The following ADGRE5 variants were observed in gnomAD, a reference collection of about 807,000 sequenced individuals.
ADGRE5 encodes the protein adhesion G protein-coupled receptor E5.
ADGRE5 carries 72 observed loss-of-function variants against 100.3 expected under a neutral mutation model. The ratio of observed to expected loss-of-function variants is 0.72; its 90% CI spans 0.59 to 0.87. ADGRE5 has a LOEUF of 0.87. Ranked by LOEUF, ADGRE5 falls within the 40% of genes least tolerant of loss-of-function variation. The pLI, the probability that ADGRE5 is intolerant of heterozygous loss-of-function variation, is 0.00. For missense variants in ADGRE5, 959 were observed against 1,094.7 expected, an observed-to-expected ratio of 0.88 and a Z score of 1.75; for synonymous variants, 439 against 447.8, an observed-to-expected ratio of 0.98 and a Z score of 0.25.
intron 6 of ADGRE5, 49 bp from the exon 7 acceptor site, chr19:14,397,609 A>C (rs1160889757): frequency 6.2e-7 from 1 of 1,602,778 alleles, no homozygotes; most frequent in East Asian, 2.2e-5. Flanking sequence ...AGGAGACAGG[A>C]CCCTCTCCAG....
chr19:14,405,052 C>A (rs1976168938), intron 13 of ADGRE5: 1 of 159,762 alleles, frequency 6.3e-6, no homozygotes, highest in South Asian at 1.5e-4. Flanking sequence ...ACCATGTTGC[C>A]CAGGCTAGTC....
Position 14,401,381 on chromosome 19 carries a change from C to T in ADGRE5, c.898-5C>T, listed in dbSNP as rs771352449. The T allele has an allele frequency of 1.3e-5, 21 of 1,613,498 alleles. No homozygotes were observed. The South Asian group carries it at 2.3e-4, about 18-fold the overall frequency. On this transcript the variant is annotated splice_polypyrimidine_tract_variant and splice_region_variant and intron_variant, in intron 9 of 19. Transcript: ENST00000242786. The surrounding 1 kb of genome is among the most constrained non-coding windows in gnomAD (Gnocchi z 4.1). ...CCAGCGATTCTGTCACCCGCCACCCCCTAGAATGTCATCAAATTGGTGGAT... is the reference window on the plus strand; with the variant it reads ...CCAGCGATTCTGTCACCCGCCACCCTCTAGAATGTCATCAAATTGGTGGAT...
chr19:14,384,589 G>A (rs1232293033), intron 1 of ADGRE5, among the ~76,000 whole-genome samples: 1 of 144,106 alleles, frequency 6.9e-6, no homozygotes, highest in Non-Finnish European at 1.5e-5. Context: ...CCCGCCCCAG[G>A]CCCCACCTGC....
In ADGRE5 at chr19:14,401,986, C is replaced by T. The variant is rs1976031548; in HGVS notation, c.1183+226C>T. ...TCTCTACAAAAAATACAAAAATTAG[C>T]CAGGTGTGGTGGCACGTGCCTGTAG... is the stretch of plus-strand genomic sequence containing the variant. On this transcript the variant is annotated intron_variant, in intron 11 of 19. Coordinates refer to ENST00000242786, the MANE Select transcript of ADGRE5 (RefSeq NM_078481.4). The surrounding 1 kb of genome is among the most constrained non-coding windows in gnomAD (Gnocchi z 4.1). Among the ~76,000 whole-genome samples, 2 of 152,076 alleles carry T rather than the reference C, an allele frequency of 1.3e-5. No individual in the cohort carries two copies. Among genetic ancestry groups the T allele is most frequent in the South Asian group, 4.1e-4 (2 of 4,820 alleles).
chr19:14,394,936 C>T (rs12973667), intron 4 of ADGRE5, among the ~76,000 whole-genome samples: 6 of 151,950 alleles, frequency 3.9e-5, no homozygotes, highest in Non-Finnish European at 7.4e-5. Flanking sequence ...TGGGCCTGAA[C>T]GCACCGTCAA....
chr19:14,391,123 TG>T, intron 4 of ADGRE5, 44 bp downstream of exon 4: 1 of 1,611,482 alleles, frequency 6.2e-7, no homozygotes, highest in Non-Finnish European at 8.5e-7. Flanking sequence ...CCATGAGGTT[TG>T]GGGTCACCAG....
At chr19:14,389,761 G>A (rs1393914451) in intron 3 of ADGRE5, among the ~76,000 whole-genome samples, 1 of 147,780 alleles carries the variant, frequency 6.8e-6, no homozygotes, top group Non-Finnish European at 1.5e-5. Flanking sequence ...GAGAGACAGA[G>A]AAGGAGAGAA....
chr19:14,389,017 G>C (rs145955187), intron 3 of ADGRE5, among the ~76,000 whole-genome samples, 199 bp downstream of exon 3: 3 of 147,402 alleles, frequency 2.0e-5, no homozygotes, highest in Non-Finnish European at 4.5e-5. Context: ...CGGGCAGATC[G>C]TTTGAGGCCA....
intron 4 of ADGRE5, among the ~76,000 whole-genome samples, chr19:14,394,454 C>A (rs913784491): frequency 6.6e-6 from 1 of 152,148 alleles, no homozygotes; most frequent in Non-Finnish European, 1.5e-5. Flanking sequence ...CAGGGCCATC[C>A]TAAACCCCTG....
At position 14,406,712 on chromosome 19, in the gene ADGRE5, C is replaced by G. The variant is rs766048827; in HGVS notation, c.2061C>G (p.Asp687Glu). Residue 687 changes from aspartate to glutamate, a missense_variant, in exon 16 of 20, where the codon GAC (aspartate) becomes GAG (glutamate). This residue lies in a region of ADGRE5 where 428 missense variants were observed against 386.2 expected (regional missense o/e 1.11). Transcript: ENST00000242786. This position sits in a 1 kb window ranked among gnomAD's most constrained non-coding sequence, Gnocchi z 6.0. ...CCTTCCCTCCTAGCTGCTGGTTGGACTTTGAGCAGGGCTTCCTCTGGAGCT... is the reference window on the plus strand; with the variant it reads ...CCTTCCCTCCTAGCTGCTGGTTGGAGTTTGAGCAGGGCTTCCTCTGGAGCT... ...GYGRPRYCWL[D>E]FEQGFLWSFL... is the part of the protein sequence containing the mutation. The G allele has an allele frequency of 3.7e-6, 6 of 1,614,148 alleles. No individual in the cohort carries two copies. Among genetic ancestry groups the G allele is most frequent in the Non-Finnish European group, 5.1e-6 (6 of 1,180,012 alleles).
At chr19:14,391,186 C>A in intron 4 of ADGRE5, 107 bp downstream of exon 4, 4 of 1,449,252 alleles carry the variant, frequency 2.8e-6, no homozygotes, top group Non-Finnish European at 2.9e-6. Context: ...GGGTCAGTGC[C>A]TGGCGTCTGA....
Position 14,401,431 on chromosome 19 carries a change from G to C in ADGRE5, c.943G>C (p.Val315Leu). Residue 315 changes from valine to leucine, a missense_variant, in exon 10 of 20, where the codon GTA becomes CTA. Val to Leu is a conservative substitution (Grantham distance 32). This residue lies in a region of ADGRE5 where 246 missense variants were observed against 242.2 expected (regional missense o/e 1.02). Transcript: ENST00000242786. This position sits in a 1 kb window ranked among gnomAD's most constrained non-coding sequence, Gnocchi z 4.1. ...VDELMEAPGD[V>L]EALAPPVRHL... Reference sequence around the variant, plus strand: ...TGAACTGATGGAAGCTCCTGGAGACGTAGAGGCCCTGGCGCCACCTGTCCG... The same window carrying C: ...TGAACTGATGGAAGCTCCTGGAGACCTAGAGGCCCTGGCGCCACCTGTCCG... The C allele has an allele frequency of 6.2e-7, 1 of 1,614,122 alleles. No individual in the cohort carries two copies. Among genetic ancestry groups the C allele is most frequent in the Non-Finnish European group, 8.5e-7 (1 of 1,180,018 alleles).
In ADGRE5 at chr19:14,402,581, T is replaced by C. The variant is rs2146370849; in HGVS notation, c.1184-16T>C. ...GAGGACAACGGGAGTAGGCAGCGAG[T>C]GTGTCTGTTCCCCAGGCCCCGCCGT... On this transcript the variant is annotated splice_polypyrimidine_tract_variant and intron_variant, in intron 11 of 19. Transcript: ENST00000242786. 1 of 1,613,368 alleles carries C rather than the reference T, an allele frequency of 6.2e-7. No individual in the cohort carries two copies. Among genetic ancestry groups the C allele is most frequent in the Non-Finnish European group, 8.5e-7 (1 of 1,179,672 alleles).
chr19:14,406,661 T>C lies in ADGRE5; in HGVS notation c.2049-39T>C. Reference sequence around the variant, plus strand: ...GGCCGCCCTCCGTTCCGCTCCTGGCTTCCTGGGGCACTGATGGGACCCCTC... The same window carrying C: ...GGCCGCCCTCCGTTCCGCTCCTGGCCTCCTGGGGCACTGATGGGACCCCTC... On this transcript the variant is annotated intron_variant, in intron 15 of 19. Coordinates refer to ENST00000242786, the MANE Select transcript of ADGRE5 (RefSeq NM_078481.4). The surrounding 1 kb of genome is among the most constrained non-coding windows in gnomAD (Gnocchi z 6.0). 2 of 1,611,476 alleles carry C rather than the reference T, an allele frequency of 1.2e-6. No homozygotes were observed. Among genetic ancestry groups the C allele is most frequent in the Non-Finnish European group, 1.7e-6 (2 of 1,177,616 alleles).
intron 9 of ADGRE5, among the ~76,000 whole-genome samples, chr19:14,400,483 T>G (rs1225978242): frequency 2.6e-5 from 4 of 151,392 alleles, no homozygotes; most frequent in East Asian, 1.9e-4. Context: ...AAAGTAAAAA[T>G]AAAGTTAAAT....
intron 13 of ADGRE5, chr19:14,404,777 C>T (rs778361826): frequency 3.8e-4 from 199 of 526,680 alleles, no homozygotes; most frequent in Non-Finnish European, 4.8e-4. Context: ...CCACTAGCTC[C>T]GCTCCTCTGC....
intron 1 of ADGRE5, among the ~76,000 whole-genome samples, chr19:14,385,082 C>A (rs371991567): frequency 1.5e-4 from 21 of 136,458 alleles, no homozygotes; most frequent in African/African-American, 4.8e-4. Context: ...GGGATCTCAG[C>A]TCACTGCAAC....
In ADGRE5 at chr19:14,403,336, C is replaced by T. The variant is rs371476424; in HGVS notation, c.1449+474C>T. Reference sequence around the variant, plus strand: ...CGATTACAGGCGTGAGCCACCACTCCCAGACTTTCTTTTCTTATTTATTTA... The same window carrying T: ...CGATTACAGGCGTGAGCCACCACTCTCAGACTTTCTTTTCTTATTTATTTA... On this transcript the variant is annotated intron_variant, in intron 12 of 19. Coordinates refer to ENST00000242786, the MANE Select transcript of ADGRE5 (RefSeq NM_078481.4). Among the ~76,000 whole-genome samples, 245 of 151,502 alleles carry T rather than the reference C, an allele frequency of 1.6e-3. 1 individual carries two copies. Among genetic ancestry groups the T allele is most frequent in the African/African-American group, 5.1e-3 (211 of 41,276 alleles).
chr19:14,394,663 C>T (rs1328763997), intron 4 of ADGRE5, among the ~76,000 whole-genome samples: 4 of 152,052 alleles, frequency 2.6e-5, no homozygotes, highest in Admixed American at 6.6e-5. Context: ...CCGCCATCGC[C>T]GGGGACTGCC....
Sources: allele counts gnomAD v4.1 joint callset (sites outside exome capture counted in the v4.1 genomes callset), GRCh38; gene constraint gnomAD v4.1.1; regional missense constraint gnomAD v4.1.1; non-coding constraint Gnocchi (gnomAD v3.1); transcripts MANE v1.5; gene names NCBI Gene and HGNC (gene_info 2026-07-23, HGNC 2026-07-21).